The following NCOA7 variants were observed in gnomAD, a reference collection of about 807,000 sequenced individuals.
NCOA7 encodes 140 kDa estrogen receptor-associated protein.
NCOA7 carries 45 observed loss-of-function variants against 104.3 expected under a neutral mutation model. That is an observed-to-expected ratio of 0.43 (90% CI 0.34 to 0.55). The LOEUF is 0.55. Ranked by LOEUF, NCOA7 falls within the 20% of genes least tolerant of loss-of-function variation. The pLI, the probability that NCOA7 is intolerant of heterozygous loss-of-function variation, is 0.02. For synonymous variants in NCOA7, 398 were observed against 402.3 expected, an observed-to-expected ratio of 0.99 and a Z score of 0.13; for missense variants, 1,041 against 1,119.7, an observed-to-expected ratio of 0.93 and a Z score of 1.00.
intron 3 of NCOA7, among the ~76,000 whole-genome samples, chr6:125,858,637 A>G (rs914429607): frequency 4.6e-5 from 7 of 152,102 alleles, no homozygotes; most frequent in East Asian, 1.9e-4. Context: ...GAAAAAAAAA[A>G]AAAGAAAGAA....
chr6:125,856,962 A>G (rs552843815), intron 3 of NCOA7, among the ~76,000 whole-genome samples: 2 of 152,186 alleles, frequency 1.3e-5, no homozygotes, highest in Non-Finnish European at 2.9e-5. Flanking sequence ...TAAAAGCTGC[A>G]TTGCTGATGT....
At chr6:125,916,369 A>G (rs1047297149) in intron 11 of NCOA7, among the ~76,000 whole-genome samples, 2 of 152,194 alleles carry the variant, frequency 1.3e-5, no homozygotes, top group African/African-American at 4.8e-5. Context: ...TAGCAGTGTG[A>G]AAACGGACTA....
intron 1 of NCOA7, among the ~76,000 whole-genome samples, chr6:125,804,879 C>T (rs879722920): frequency 7.9e-5 from 12 of 151,948 alleles, no homozygotes; most frequent in Admixed American, 1.3e-4. Context: ...GTTCTCAAAA[C>T]GTAAGGGGTA....
Position 125,915,390 on chromosome 6 carries a change from T to C in NCOA7, c.2154T>C (p.Asp718=). Residue 718 remains aspartate (D), a synonymous_variant, in exon 11 of 16, where the codon GAT becomes GAC. Transcript: ENST00000392477. ...VQWSPDVYGK[D]AKEQGFVVVE... ...GGTCTCCCGATGTCTATGGAAAAGA[T>C]GCCAAAGAGCAAGGCTTTGTGGTGG... 2 of 1,613,930 alleles carry C rather than the reference T, an allele frequency of 1.2e-6. No homozygotes were observed. Among genetic ancestry groups the C allele is most frequent in the Non-Finnish European group, 8.5e-7 (1 of 1,179,850 alleles).
chr6:125,800,039 A>G (rs892801915), intron 1 of NCOA7, among the ~76,000 whole-genome samples: 1 of 152,234 alleles, frequency 6.6e-6, no homozygotes, highest in Non-Finnish European at 1.5e-5. Context: ...TAAAGGGTTT[A>G]ATTGCAGAGA....
At chr6:125,893,085 C>T (rs1784747108) in intron 10 of NCOA7, among the ~76,000 whole-genome samples, 1 of 152,130 alleles carries the variant, frequency 6.6e-6, no homozygotes, top group South Asian at 2.1e-4. Flanking sequence ...AACAGAAGTC[C>T]TTAAGGGGGA....
intron 1 of NCOA7, among the ~76,000 whole-genome samples, chr6:125,799,033 C>G (rs1227672822): frequency 6.6e-6 from 1 of 152,044 alleles, no homozygotes; most frequent in Non-Finnish European, 1.5e-5. Context: ...ATAAGCAGAC[C>G]AAGTAAAATG....
intron 4 of NCOA7, among the ~76,000 whole-genome samples, chr6:125,876,654 C>G (rs1418498876): frequency 6.6e-6 from 1 of 150,520 alleles, no homozygotes; most frequent in Non-Finnish European, 1.5e-5. Flanking sequence ...AACAAGTGAT[C>G]AAGTCAATAA....
chr6:125,909,765 G>A (rs773851868), intron 10 of NCOA7, among the ~76,000 whole-genome samples: 3 of 151,978 alleles, frequency 2.0e-5, no homozygotes, highest in Admixed American at 1.3e-4. Context: ...AGCCGAGATC[G>A]CACCACTCCA....
chr6:125,815,256 T>G (rs1777480924), intron 1 of NCOA7, 35 bp from the exon 2 acceptor site: 3 of 817,192 alleles, frequency 3.7e-6, no homozygotes, highest in Non-Finnish European at 5.8e-6. Flanking sequence ...TGTAAACTTT[T>G]AAGTTTACAG....
chr6:125,872,215 G>A (rs772070016), intron 3 of NCOA7, among the ~76,000 whole-genome samples: 1 of 152,100 alleles, frequency 6.6e-6, no homozygotes, highest in Non-Finnish European at 1.5e-5. Flanking sequence ...ACTAATTCAG[G>A]TGAACATAGT....
intron 11 of NCOA7, among the ~76,000 whole-genome samples, chr6:125,916,203 C>A (rs945251938): frequency 6.6e-6 from 1 of 152,180 alleles, no homozygotes; most frequent in South Asian, 2.1e-4. Context: ...CCGCTACGCT[C>A]GCTCGCTCTC....
intron 3 of NCOA7, among the ~76,000 whole-genome samples, chr6:125,864,052 A>G (rs1267971003): frequency 1.5e-5 from 2 of 137,020 alleles, no homozygotes; most frequent in Non-Finnish European, 3.1e-5. Flanking sequence ...TTTTATCAAG[A>G]CCCTTTTTGC....
chr6:125,896,192 G>A (rs1785006076), intron 10 of NCOA7, among the ~76,000 whole-genome samples: 1 of 151,808 alleles, frequency 6.6e-6, no homozygotes, highest in South Asian at 2.1e-4. Flanking sequence ...AAAAGTATCT[G>A]TAAAATCCTT....
At chr6:125,928,583 G>GTCATGTAACA in intron 15 of NCOA7, 53 bp from the exon 16 acceptor site, 1 of 1,559,988 alleles carries the variant, frequency 6.4e-7, no homozygotes, top group Admixed American at 2.0e-5. Flanking sequence ...AGAATAGTGT[G>GTCATGTAACA]TCATGTAACA....
At chr6:125,781,479 G>T (rs1273458103) in intron 1 of NCOA7, 2 of 152,108 alleles carry the variant, frequency 1.3e-5, no homozygotes, top group South Asian at 4.1e-4. Flanking sequence ...AGAACAGGAA[G>T]ATTTAAAGGG....
At chr6:125,865,806 G>A (rs931869067) in intron 3 of NCOA7, among the ~76,000 whole-genome samples, 1 of 135,692 alleles carries the variant, frequency 7.4e-6, no homozygotes, top group Non-Finnish European at 1.6e-5. Flanking sequence ...GGGGACTATA[G>A]GCATGTAGCA....
chr6:125,919,173 G>T, intron 11 of NCOA7: 1 of 1,448,462 alleles, frequency 6.9e-7, no homozygotes. Context: ...TCCTAATTTG[G>T]GTGTGTTCCT....
At position 125,861,901 on chromosome 6, in the gene NCOA7, G is replaced by A. The variant is rs142954334; in HGVS notation, c.271+6661G>A. ...AAAATACAAAAATTAGCTGGGCGTG[G>A]TGGCACATGCCTGTAATTCCAGCTA... On this transcript the variant is annotated intron_variant, in intron 3 of 15. Coordinates refer to ENST00000392477, the MANE Select transcript of NCOA7 (RefSeq NM_181782.5). Among the ~76,000 whole-genome samples, 442 of 150,214 alleles carry A rather than the reference G, an allele frequency of 2.9e-3. 5 individuals are homozygous for A. The highest frequency in any genetic ancestry group is 5.2e-3 in the Non-Finnish European group (351 of 67,718).
Sources: allele counts gnomAD v4.1 joint callset (sites outside exome capture counted in the v4.1 genomes callset), GRCh38; gene constraint gnomAD v4.1.1; transcripts MANE v1.5; gene names NCBI Gene and HGNC (gene_info 2026-07-23, HGNC 2026-07-21).